Variants in SOX5 observed in about 807,000 individuals in gnomAD.
SOX5 encodes the protein transcription factor SOX-5.
A neutral mutation model predicts 92.0 loss-of-function variants in SOX5; 9 were observed. The ratio of observed to expected loss-of-function variants is 0.10; its 90% CI spans 0.06 to 0.17. The LOEUF is 0.17. Among genes scored for constraint, SOX5 ranks in the 10% least tolerant of loss-of-function variants. SOX5 has a pLI of 1.00. For synonymous variants in SOX5, 344 were observed against 336.3 expected (o/e 1.02, Z -0.25); for missense variants, 642 against 944.5 (o/e 0.68, Z 4.20).
At chr12:23,910,605 AC>A (rs1349464039) in intron 1 of SOX5, among the ~76,000 whole-genome samples, 1 of 152,118 alleles carries the variant, frequency 6.6e-6, no homozygotes, top group African/African-American at 2.4e-5. Flanking sequence ...GAGCCACCAG[AC>A]CTATATGGAG....
intron 1 of SOX5, among the ~76,000 whole-genome samples, chr12:24,424,812 G>C (rs916003344): frequency 8.0e-5 from 12 of 150,716 alleles, no homozygotes; most frequent in Admixed American, 2.0e-4. Context: ...TTTTTTTGGG[G>C]GGGGGGGATG....
intron 1 of SOX5, among the ~76,000 whole-genome samples, chr12:24,527,045 T>C (rs569186405): frequency 1.3e-5 from 2 of 152,058 alleles, no homozygotes; most frequent in East Asian, 3.9e-4. Context: ...TCCCACCTCG[T>C]CCTCCCAAAG....
At chr12:24,067,588 T>C (rs1592839514) in intron 4 of SOX5, among the ~76,000 whole-genome samples, 1 of 152,338 alleles carries the variant, frequency 6.6e-6, no homozygotes, top group Admixed American at 6.5e-5. Flanking sequence ...ATTAGCTATA[T>C]ATGCTTTATC....
At chr12:23,585,803 A>G (rs1255905848) in intron 9 of SOX5, among the ~76,000 whole-genome samples, 1 of 152,180 alleles carries the variant, frequency 6.6e-6, no homozygotes, top group Non-Finnish European at 1.5e-5. Flanking sequence ...GCCGGCAGCT[A>G]TGTCAGAAGC....
chr12:24,329,529 G>C (rs987113122), intron 2 of SOX5, among the ~76,000 whole-genome samples: 12 of 152,124 alleles, frequency 7.9e-5, no homozygotes, highest in African/African-American at 2.7e-4. Flanking sequence ...GATTCGGGTG[G>C]GGACACAAAG....
intron 4 of SOX5, among the ~76,000 whole-genome samples, chr12:24,142,752 T>C (rs945316421): frequency 2.4e-4 from 36 of 151,472 alleles, no homozygotes; most frequent in Non-Finnish European, 4.1e-4. Context: ...AGACTGTGGC[T>C]TAGGGAAAGG....
intron 4 of SOX5, among the ~76,000 whole-genome samples, chr12:24,087,082 CAT>C (rs1944084265): frequency 6.6e-6 from 1 of 151,996 alleles, no homozygotes; most frequent in Admixed American, 6.6e-5. Flanking sequence ...AGGGCTCATG[CAT>C]ATGTTTCTAC....
chr12:24,372,778 C>G (rs1956867560), intron 1 of SOX5, among the ~76,000 whole-genome samples: 1 of 152,172 alleles, frequency 6.6e-6, no homozygotes, highest in South Asian at 2.1e-4. Flanking sequence ...TCTCCACATC[C>G]TCTCCAGCAT....
chr12:24,405,501 T>C (rs905056494), intron 1 of SOX5, among the ~76,000 whole-genome samples: 2 of 152,086 alleles, frequency 1.3e-5, no homozygotes, highest in Non-Finnish European at 2.9e-5. Flanking sequence ...TTCCCGCCCA[T>C]AGAAAACAGG....
intron 7 of SOX5, among the ~76,000 whole-genome samples, chr12:23,651,962 A>T (rs901298985): frequency 2.0e-4 from 30 of 151,992 alleles, no homozygotes; most frequent in African/African-American, 7.2e-4. Flanking sequence ...GTACATAATT[A>T]TGTCTTTAAA....
intron 1 of SOX5, among the ~76,000 whole-genome samples, chr12:24,431,738 G>A (rs1938372211): frequency 6.6e-6 from 1 of 152,170 alleles, no homozygotes; most frequent in African/African-American, 2.4e-5. Flanking sequence ...TGGTACCCAA[G>A]AAGGGAATTT....
At chr12:24,405,072 T>C (rs1276029070) in intron 1 of SOX5, among the ~76,000 whole-genome samples, 2 of 152,200 alleles carry the variant, frequency 1.3e-5, no homozygotes, top group African/African-American at 4.8e-5. Context: ...ACTACCCTTC[T>C]GTCAGCCTTG....
chr12:24,313,379 TA>T (rs768870160), intron 2 of SOX5, among the ~76,000 whole-genome samples: 23 of 151,946 alleles, frequency 1.5e-4, no homozygotes, highest in Admixed American at 6.6e-4. Context: ...AAATAAAAAT[TA>T]AAAGCTGGGT....
At chr12:24,235,173 G>A (rs1000043459) in intron 3 of SOX5, among the ~76,000 whole-genome samples, 2 of 152,108 alleles carry the variant, frequency 1.3e-5, no homozygotes, top group Non-Finnish European at 2.9e-5. Flanking sequence ...GCTGTGGCTC[G>A]GAAAACATTT....
intron 1 of SOX5, among the ~76,000 whole-genome samples, chr12:23,936,381 A>G (rs557016264): frequency 1.3e-5 from 2 of 151,082 alleles, no homozygotes; most frequent in African/African-American, 4.8e-5. Flanking sequence ...TTAAGCAAAC[A>G]TCTTCCTTTC....
intron 4 of SOX5, among the ~76,000 whole-genome samples, chr12:23,980,651 G>T (rs1949488088): frequency 6.6e-6 from 1 of 152,104 alleles, no homozygotes; most frequent in South Asian, 2.1e-4. Flanking sequence ...ATTTCAGACA[G>T]AAAGAGAGGG....
At chr12:23,664,632 T>C (rs1187172305) in intron 7 of SOX5, among the ~76,000 whole-genome samples, 1 of 152,090 alleles carries the variant, frequency 6.6e-6, no homozygotes, top group African/African-American at 2.4e-5. Flanking sequence ...CAATTTATAT[T>C]TGGGTAAGAA....
chr12:24,304,439 C>G (rs1948343713), intron 2 of SOX5, among the ~76,000 whole-genome samples: 1 of 152,062 alleles, frequency 6.6e-6, no homozygotes, highest in African/African-American at 2.4e-5. Flanking sequence ...ATCTTCAGTG[C>G]TATAATTCAG....
chr12:23,846,416 C>T (rs1176790875), intron 2 of SOX5, among the ~76,000 whole-genome samples: 2 of 152,188 alleles, frequency 1.3e-5, no homozygotes, highest in Admixed American at 6.5e-5. Context: ...AGAATAAATT[C>T]AGTTTTCATG....
Sources: allele counts gnomAD v4.1 joint callset (sites outside exome capture counted in the v4.1 genomes callset), GRCh38; gene constraint gnomAD v4.1.1; transcripts MANE v1.5; gene names NCBI Gene and HGNC (gene_info 2026-07-23, HGNC 2026-07-21).